TMEM94: variants seen among roughly 807,000 people sequenced by gnomAD.
TMEM94 encodes the protein ER Mg2+ ATPase.
A neutral mutation model predicts 158.6 loss-of-function variants in TMEM94; 81 were observed. The ratio of observed to expected loss-of-function variants is 0.51; its 90% CI spans 0.43 to 0.61. TMEM94 has a LOEUF of 0.61. Among genes scored for constraint, TMEM94 ranks in the 20% least tolerant of loss-of-function variants. The pLI is 0.00. For missense variants in TMEM94, 1,435 were observed against 1,762.0 expected (o/e 0.81, Z 3.32); for synonymous variants, 751 against 730.7 (o/e 1.03, Z -0.45).
chr17:75,475,731 TCA>T (rs10561730), intron 2 of TMEM94, among the ~76,000 whole-genome samples: 128,190 of 152,156 alleles, frequency 0.84, 54,763 homozygotes, highest in African/African-American at 0.93. Flanking sequence ...CCGGGCAGCC[TCA>T]TGGGCCCAGC....
rs998635326 is a variant in TMEM94, at chr17:75,491,382, A to G, written c.1313A>G (p.Lys438Arg). The G allele has an allele frequency of 4.3e-6, 7 of 1,614,102 alleles. No homozygotes were observed. The highest frequency in any genetic ancestry group is 5.1e-6 in the Non-Finnish European group (6 of 1,180,022). Residue 438 changes from lysine to arginine, a missense_variant, in exon 13 of 32, where the codon AAG becomes AGG. Around this residue, in one of 3 missense-constraint regions of TMEM94, gnomAD observed 1,051 missense variants for 1,254.4 expected, o/e 0.84. Transcript: ENST00000314256. This position sits in a 1 kb window ranked among gnomAD's most constrained non-coding sequence, Gnocchi z 5.1. ...SPETVLFFSG[K>R]VEPPHSSHED... is the part of the protein sequence containing the mutation. ...GAGACTGTACTGTTCTTCAGCGGGA[A>G]GGTGGAGCCCCCTCACAGCAGCCAT...
chr17:75,489,346 A>G lies in TMEM94; in HGVS notation c.845A>G (p.His282Arg). Residue 282 changes from histidine (H) to arginine (R), a missense_variant, in exon 8 of 32, where the codon CAC becomes CGC. Physicochemically the swap from His to Arg is conservative, Grantham distance 29. Coordinates refer to ENST00000314256, the MANE Select transcript of TMEM94 (RefSeq NM_014738.6). The surrounding 1 kb of genome is among the most constrained non-coding windows in gnomAD (Gnocchi z 5.0). The part of the protein sequence containing the change: ...ERFTVQSVML[H>R]YAVPVVLAGF... Reference sequence around the variant, plus strand: ...TTCACAGTGCAGTCGGTGATGCTACACTATGCTGTGCCCGTGGTCCTGGTG... The same window carrying G: ...TTCACAGTGCAGTCGGTGATGCTACGCTATGCTGTGCCCGTGGTCCTGGTG... The G allele has an allele frequency of 6.2e-7, 1 of 1,614,114 alleles. No individual in the cohort carries two copies. Among genetic ancestry groups the G allele is most frequent in the Non-Finnish European group, 8.5e-7 (1 of 1,180,002 alleles).
intron 1 of TMEM94, among the ~76,000 whole-genome samples, chr17:75,462,963 A>T (rs1163856642): frequency 1.5e-5 from 2 of 136,020 alleles, no homozygotes; most frequent in African/African-American, 2.9e-5. Context: ...ACTGCACTCC[A>T]GCCTGGGCAA....
At chr17:75,459,809 G>A (rs1195629524) in intron 1 of TMEM94, 3 of 152,134 alleles carry the variant, frequency 2.0e-5, no homozygotes, top group African/African-American at 4.8e-5. Flanking sequence ...TCTTACTATT[G>A]TGTTAGTGTT....
At chr17:75,471,251 A>AG (rs1555622620) in intron 1 of TMEM94, among the ~76,000 whole-genome samples, 3 of 141,390 alleles carry the variant, frequency 2.1e-5, no homozygotes, top group South Asian at 2.1e-4. Context: ...AAAAAAAAAA[A>AG]AAAGAAAGAA....
Position 75,487,869 on chromosome 17 carries a change from G to A in TMEM94, c.410-63G>A. The A allele has an allele frequency of 1.4e-6, 2 of 1,403,920 alleles. No homozygotes were observed. The highest frequency in any genetic ancestry group is 1.0e-6 in the Non-Finnish European group (1 of 997,140). 87.0% of individuals were successfully genotyped at this position (1,403,920 alleles called of 1,614,324 possible). ...AGACAGTGCTTCCGGAAGTGCTGCTGTATCTGACTGGGGGGCAGGGCCGTG... is the reference window on the plus strand; with the variant it reads ...AGACAGTGCTTCCGGAAGTGCTGCTATATCTGACTGGGGGGCAGGGCCGTG... On this transcript the variant is annotated intron_variant, in intron 5 of 31. Coordinates refer to ENST00000314256, the MANE Select transcript of TMEM94 (RefSeq NM_014738.6). This position sits in a 1 kb window ranked among gnomAD's most constrained non-coding sequence, Gnocchi z 4.6.
chr17:75,477,384 A>AT (rs1457505175), intron 2 of TMEM94, among the ~76,000 whole-genome samples: 1 of 152,036 alleles, frequency 6.6e-6, no homozygotes, highest in Admixed American at 6.5e-5. Flanking sequence ...TGTCGCTTCC[A>AT]TACCTGCACT....
At chr17:75,464,472 G>A (rs1055753263) in intron 1 of TMEM94, among the ~76,000 whole-genome samples, 2 of 142,356 alleles carry the variant, frequency 1.4e-5, no homozygotes, top group Non-Finnish European at 3.0e-5. Flanking sequence ...ATAGGGTGAG[G>A]CCTTGTCTCA....
chr17:75,459,454 A>G (rs1402595874), intron 1 of TMEM94, among the ~76,000 whole-genome samples: 1 of 152,208 alleles, frequency 6.6e-6, no homozygotes, highest in Non-Finnish European at 1.5e-5. Context: ...AGAAGTTGCT[A>G]GGTGTGCCAG....
At chr17:75,476,119 T>C (rs1320315357) in intron 2 of TMEM94, among the ~76,000 whole-genome samples, 2 of 152,182 alleles carry the variant, frequency 1.3e-5, no homozygotes, top group Non-Finnish European at 2.9e-5. Context: ...GGACTTCTCA[T>C]GGATGATGGG....
chr17:75,482,451 C>T (rs1162947887), intron 2 of TMEM94, among the ~76,000 whole-genome samples: 5 of 151,964 alleles, frequency 3.3e-5, no homozygotes, highest in African/African-American at 7.2e-5. Context: ...TAAGCTGCAG[C>T]GAACCATGCC....
At chr17:75,474,752 G>A (rs780967266) in intron 2 of TMEM94, among the ~76,000 whole-genome samples, 1 of 152,182 alleles carries the variant, frequency 6.6e-6, no homozygotes, top group Non-Finnish European at 1.5e-5. Flanking sequence ...GAGGGTTGTC[G>A]TCCCCTGGCT....
At chr17:75,465,429 ATTAT>A (rs1277373337) in intron 1 of TMEM94, among the ~76,000 whole-genome samples, 2 of 150,300 alleles carry the variant, frequency 1.3e-5, no homozygotes, top group Admixed American at 6.6e-5. Flanking sequence ...CTGCCTGTTT[ATTAT>A]TTATTTATTT....
chr17:75,471,971 C>G (rs991152826), intron 2 of TMEM94, 42 bp downstream of exon 2: 1 of 1,598,864 alleles, frequency 6.3e-7, no homozygotes, highest in Non-Finnish European at 8.6e-7. Context: ...GTCTGTGTGT[C>G]TCTGTTGAAC....
At chr17:75,469,700 C>T (rs2050428779) in intron 1 of TMEM94, among the ~76,000 whole-genome samples, 1 of 150,800 alleles carries the variant, frequency 6.6e-6, no homozygotes, top group Non-Finnish European at 1.5e-5. Context: ...CCTGAAATCT[C>T]AGCACTTTGA....
intron 1 of TMEM94, among the ~76,000 whole-genome samples, chr17:75,467,131 C>T (rs758442507): frequency 5.3e-5 from 8 of 151,504 alleles, no homozygotes; most frequent in Non-Finnish European, 8.8e-5. Flanking sequence ...CCCAAAACCA[C>T]GCCTGGCTAA....
In TMEM94 at chr17:75,485,397, G is replaced by C. The variant is rs72854381; in HGVS notation, c.25-31G>C. On this transcript the variant is annotated intron_variant, in intron 2 of 31. Coordinates refer to ENST00000314256, the MANE Select transcript of TMEM94 (RefSeq NM_014738.6). The surrounding 1 kb of genome is among the most constrained non-coding windows in gnomAD (Gnocchi z 5.5). ...TGCCTTGCATAGCCTTGGCCTGGCA[G>C]TGACGCCCAGCGCCTCCTGCTTGCC... The C allele has an allele frequency of 6.2e-7, 1 of 1,602,736 alleles. No homozygotes were observed. Among genetic ancestry groups the C allele is most frequent in the Admixed American group, 1.7e-5 (1 of 59,756 alleles).
chr17:75,494,269 G>A (rs2052481397), intron 18 of TMEM94, among the ~76,000 whole-genome samples: 1 of 152,182 alleles, frequency 6.6e-6, no homozygotes, highest in African/African-American at 2.4e-5. Context: ...TGCTGGTGCA[G>A]AGGGGCCCAG....
intron 2 of TMEM94, among the ~76,000 whole-genome samples, chr17:75,484,930 C>T (rs751930210): frequency 6.6e-6 from 1 of 151,350 alleles, no homozygotes; most frequent in South Asian, 2.1e-4. Flanking sequence ...CCCAGCTACT[C>T]GGGAGGCTGA....
Sources: gnomAD v4.1 joint callset for allele counts (sites outside exome capture counted in the v4.1 genomes callset) on GRCh38, gnomAD v4.1.1 for gene constraint, gnomAD v4.1.1 regional missense constraint, Gnocchi (gnomAD v3.1) non-coding constraint, MANE v1.5 for transcripts, NCBI Gene and HGNC (gene_info 2026-07-23, HGNC 2026-07-21) for gene names.